The following WWOX variants were observed in gnomAD, a reference collection of about 807,000 sequenced individuals.
WWOX encodes WW domain-containing oxidoreductase.
Under a neutral mutation model 46.2 loss-of-function variants are expected in WWOX, and 69 were observed. The ratio of observed to expected loss-of-function variants is 1.49; its 90% CI spans 1.23 to 1.82. The LOEUF is 1.82. WWOX is among the 40% of genes most tolerant of loss of function. The pLI is 0.00. For missense variants in WWOX, 919 were observed against 542.6 expected (o/e 1.69, Z -6.89); for synonymous variants, 359 against 202.6 (o/e 1.77, Z -6.56).
intron 8 of WWOX, among the ~76,000 whole-genome samples, chr16:78,604,663 T>G (rs915710081): frequency 4.8e-5 from 6 of 125,118 alleles, no homozygotes; most frequent in Non-Finnish European, 1.0e-4. Flanking sequence ...GATTCCTTCC[T>G]TCCTTCCCCC....
chr16:78,659,327 C>T (rs1031544381), intron 8 of WWOX, among the ~76,000 whole-genome samples: 5 of 151,984 alleles, frequency 3.3e-5, no homozygotes, highest in Non-Finnish European at 5.9e-5. Flanking sequence ...AGCTCCTAAC[C>T]ATCGCGCCTG....
At chr16:78,965,424 G>T (rs1384178708) in intron 8 of WWOX, among the ~76,000 whole-genome samples, 1 of 152,070 alleles carries the variant, frequency 6.6e-6, no homozygotes, top group African/African-American at 2.4e-5. Context: ...CAAAAAATTA[G>T]CTGGGCATGG....
chr16:78,552,348 T>G (rs1334980836), intron 8 of WWOX: 1 of 152,222 alleles, frequency 6.6e-6, no homozygotes, highest in African/African-American at 2.4e-5. Context: ...ATCTGCCCCC[T>G]CCATAGCATC....
intron 8 of WWOX, chr16:78,895,458 C>G (rs536941382): frequency 6.6e-6 from 1 of 152,344 alleles, no homozygotes; most frequent in Admixed American, 6.5e-5. Context: ...GCAGTGGTGA[C>G]GATGGCCTAG....
intron 8 of WWOX, among the ~76,000 whole-genome samples, chr16:78,443,135 C>CAAAA (rs759618827): frequency 9.9e-5 from 4 of 40,278 alleles, no homozygotes; most frequent in African/African-American, 1.8e-4. Flanking sequence ...GACTCCATCT[C>CAAAA]AAAAAAAAAA....
intron 8 of WWOX, among the ~76,000 whole-genome samples, chr16:78,783,720 A>G (rs2050385097): frequency 1.3e-5 from 1 of 76,924 alleles, no homozygotes. Flanking sequence ...GATGAGGGTG[A>G]TGATGTTGAT....
intron 8 of WWOX, among the ~76,000 whole-genome samples, chr16:79,120,662 G>C (rs1239062636): frequency 6.6e-6 from 1 of 152,162 alleles, no homozygotes; most frequent in Non-Finnish European, 1.5e-5. Flanking sequence ...CCGGCTTCAG[G>C]TCGCGGTAAG....
At chr16:78,856,360 T>C (rs373891977) in intron 8 of WWOX, among the ~76,000 whole-genome samples, 5 of 152,286 alleles carry the variant, frequency 3.3e-5, no homozygotes, top group Non-Finnish European at 7.4e-5. Flanking sequence ...TGAATAGATC[T>C]AGCCTGGCAC....
chr16:78,905,505 C>T (rs1317783044), intron 8 of WWOX, among the ~76,000 whole-genome samples: 2 of 152,176 alleles, frequency 1.3e-5, no homozygotes, highest in African/African-American at 4.8e-5. Context: ...CCTCAGCCTC[C>T]TGTGTAGTGG....
chr16:78,901,919 C>T lies in WWOX; in HGVS notation c.1057-309689C>T, dbSNP rs1019721834. On this transcript the variant is annotated intron_variant, in intron 8 of 8. Coordinates refer to ENST00000566780, the MANE Select transcript of WWOX (RefSeq NM_016373.4). ...GTACATCAAGTGAGGGGCGTCCCTC[C>T]GCACCTCACTGTTGGGCTGATCAAT... Among the ~76,000 whole-genome samples the T allele has an allele frequency of 3.9e-5, 6 of 152,314 alleles. No individual in the cohort carries two copies. In the East Asian group the frequency reaches 1.2e-3, roughly 29 times the overall value.
intron 8 of WWOX, among the ~76,000 whole-genome samples, chr16:78,865,896 G>C (rs376107239): frequency 1.3e-5 from 2 of 152,260 alleles, no homozygotes; most frequent in East Asian, 1.9e-4. Flanking sequence ...AACAAGAATT[G>C]TGTCTGGCCT....
intron 8 of WWOX, among the ~76,000 whole-genome samples, chr16:78,566,065 A>C (rs942545363): frequency 6.6e-6 from 1 of 152,082 alleles, no homozygotes; most frequent in Non-Finnish European, 1.5e-5. Flanking sequence ...CCATGGGCAC[A>C]TTCTGTGCCT....
At chr16:78,890,091 A>T (rs935022288) in intron 8 of WWOX, 1 of 152,176 alleles carries the variant, frequency 6.6e-6, no homozygotes, top group Non-Finnish European at 1.5e-5. Flanking sequence ...AAATACACAT[A>T]CACACACATG....
chr16:78,278,644 A>G, intron 5 of WWOX: 1 of 1,610,966 alleles, frequency 6.2e-7, no homozygotes, highest in Non-Finnish European at 8.5e-7. Flanking sequence ...GCAGAATAAA[A>G]ATTTTCCACT....
At chr16:78,177,968 T>C (rs2035403900) in intron 5 of WWOX, among the ~76,000 whole-genome samples, 1 of 152,226 alleles carries the variant, frequency 6.6e-6, no homozygotes, top group Admixed American at 6.5e-5. Flanking sequence ...ATAGTTCCTG[T>C]TGTGAGGACC....
Position 79,212,096 on chromosome 16 carries a change from C to T in WWOX, c.*300C>T, listed in dbSNP as rs1007391015. On this transcript the variant is annotated 3_prime_UTR_variant, in exon 9 of 9. Transcript: ENST00000566780. ...GTTCCGTATCTCCCTGGAGAAGCAC[C>T]AGCAATTCTCTTTCTTTTACTGTTA... is the stretch of plus-strand genomic sequence containing the variant. 3 of 1,535,992 alleles carry T rather than the reference C, an allele frequency of 2.0e-6. No individual in the cohort carries two copies. Among genetic ancestry groups the T allele is most frequent in the Non-Finnish European group, 2.6e-6 (3 of 1,146,818 alleles).
chr16:78,606,732 T>G (rs1003908373), intron 8 of WWOX, among the ~76,000 whole-genome samples: 14 of 150,782 alleles, frequency 9.3e-5, no homozygotes, highest in South Asian at 4.2e-4. Context: ...TTTTTTTTTT[T>G]TTTTTTTTTT....
chr16:78,688,817 C>G (rs780848757), intron 8 of WWOX, among the ~76,000 whole-genome samples: 3 of 152,110 alleles, frequency 2.0e-5, no homozygotes, highest in Non-Finnish European at 4.4e-5. Flanking sequence ...ATGGGAGGGA[C>G]CCAGTGGGAG....
At chr16:78,732,020 A>C (rs1160774876) in intron 8 of WWOX, among the ~76,000 whole-genome samples, 7 of 151,864 alleles carry the variant, frequency 4.6e-5, no homozygotes, top group Non-Finnish European at 1.5e-5. Flanking sequence ...TGAATTTAAA[A>C]AAACAAACAA....
Sources: allele counts gnomAD v4.1 joint callset (sites outside exome capture counted in the v4.1 genomes callset), GRCh38; gene constraint gnomAD v4.1.1; transcripts MANE v1.5; gene names NCBI Gene and HGNC (gene_info 2026-07-23, HGNC 2026-07-21).